Variants in DMD observed in about 807,000 individuals in gnomAD.
DMD encodes mutant dystrophin.
A neutral mutation model predicts 330.1 loss-of-function variants in DMD; 63 were observed. That is an observed-to-expected ratio of 0.19 (90% CI 0.16 to 0.24). The LOEUF (loss-of-function observed/expected upper bound fraction) is 0.24. Ranked by LOEUF, DMD falls within the 10% of genes least tolerant of loss-of-function variation. The pLI, the probability that DMD is intolerant of heterozygous loss-of-function variation, is 1.00. For synonymous variants in DMD, 1,223 were observed against 959.8 expected (o/e 1.27, Z -5.07); for missense variants, 3,344 against 2,684.1 (o/e 1.25, Z -5.43).
chrX:32,972,696 T>G (rs1458630315), intron 2 of DMD, among the ~76,000 whole-genome samples: 1 of 112,069 alleles, frequency 8.9e-6, no homozygotes, highest in Non-Finnish European at 1.9e-5. Context: ...AATCCTGACT[T>G]TAACATTTAT....
intron 1 of DMD, among the ~76,000 whole-genome samples, chrX:33,063,283 A>G (rs1440008853): frequency 1.1e-4 from 12 of 111,695 alleles, no homozygotes; most frequent in Non-Finnish European, 3.8e-5. Flanking sequence ...TTTCAATGAT[A>G]ATTTACATAT....
At chrX:31,392,697 T>C (rs1416958738) in intron 60 of DMD, among the ~76,000 whole-genome samples, 1 of 112,383 alleles carries the variant, frequency 8.9e-6, no homozygotes, top group Non-Finnish European at 1.9e-5. Flanking sequence ...GTAAGATGGC[T>C]GTACGTAATA....
chrX:32,205,934 C>G, intron 44 of DMD: 2 of 382,996 alleles, frequency 5.2e-6, no homozygotes, highest in South Asian at 6.1e-5. Flanking sequence ...GGCCCCAAAA[C>G]TATCTTTTTG....
chrX:31,883,056 T>C (rs755530906), intron 47 of DMD, among the ~76,000 whole-genome samples: 7 of 111,781 alleles, frequency 6.3e-5, no homozygotes, highest in African/African-American at 1.6e-4. Flanking sequence ...AGCCCCATAA[T>C]AGACACAGCC....
At chrX:33,010,655 C>G (rs191850311) in intron 2 of DMD, among the ~76,000 whole-genome samples, 196 of 111,305 alleles carry the variant, frequency 1.8e-3, no homozygotes, top group African/African-American at 5.9e-3. Context: ...GATTTTGAGT[C>G]TTTTAACTCA....
At chrX:32,914,990 T>C (rs1285519862) in intron 2 of DMD, among the ~76,000 whole-genome samples, 1 of 111,577 alleles carries the variant, frequency 9.0e-6, no homozygotes, top group East Asian at 2.8e-4. Flanking sequence ...GTAATTAGTG[T>C]AGACAGAATT....
chrX:32,916,745 T>C (rs779394267), intron 2 of DMD, among the ~76,000 whole-genome samples: 16 of 111,843 alleles, frequency 1.4e-4, no homozygotes, highest in Non-Finnish European at 2.4e-4. Context: ...CTTTGTTTTT[T>C]ACTGTTGTCA....
chrX:31,849,980 T>C (rs2093493818), intron 48 of DMD, among the ~76,000 whole-genome samples: 1 of 111,147 alleles, frequency 9.0e-6, no homozygotes, highest in Admixed American at 9.6e-5. Flanking sequence ...TTGTACAGAT[T>C]ATGTTGTCAC....
chrX:33,266,086 A>G (rs1403814959), intron 1 of DMD, among the ~76,000 whole-genome samples: 1 of 111,660 alleles, frequency 9.0e-6, no homozygotes, highest in African/African-American at 3.2e-5. Flanking sequence ...ATGAAACTCT[A>G]GCTTTCTCTT....
chrX:33,100,179 T>G (rs767757209), intron 1 of DMD, among the ~76,000 whole-genome samples: 1 of 111,364 alleles, frequency 9.0e-6, no homozygotes, highest in Non-Finnish European at 1.9e-5. Flanking sequence ...CAACTCAGTA[T>G]CAGTTCTACA....
chrX:31,509,767 A>G (rs2071306560), intron 55 of DMD, among the ~76,000 whole-genome samples: 1 of 112,412 alleles, frequency 8.9e-6, no homozygotes, highest in East Asian at 2.8e-4. Context: ...CAAATAAATG[A>G]ATATAAAATT....
chrX:32,571,528 G>C (rs149604300), intron 15 of DMD, among the ~76,000 whole-genome samples: 1 of 111,188 alleles, frequency 9.0e-6, no homozygotes, highest in Non-Finnish European at 1.9e-5. Flanking sequence ...AAATCTATTC[G>C]TTTCACTTAA....
At chrX:33,183,177 G>A (rs1425831394) in intron 1 of DMD, among the ~76,000 whole-genome samples, 1 of 111,571 alleles carries the variant, frequency 9.0e-6, no homozygotes, top group Non-Finnish European at 1.9e-5. Context: ...ACTCAAACAG[G>A]AGATTTGTTA....
chrX:32,266,143 G>A (rs753690623), intron 43 of DMD, among the ~76,000 whole-genome samples: 11 of 111,672 alleles, frequency 9.9e-5, no homozygotes, highest in Admixed American at 6.7e-4. Context: ...TTACAGGGGC[G>A]GTTATCCCCA....
At position 32,989,044 on chromosome X, in the gene DMD, G is replaced by T. The variant is rs72626069; in HGVS notation, c.93+31095C>A. On this transcript the variant is annotated intron_variant, in intron 2 of 78. Coordinates refer to ENST00000357033, the MANE Select transcript of DMD (RefSeq NM_004006.3). ...AATAATGAAGGGAAATAAAAGAAAA[G>T]AATAAAGTGGAACAAAATGTGTCAC... Among the ~76,000 whole-genome samples, 6 of 111,195 alleles carry T rather than the reference G, an allele frequency of 5.4e-5. No individual in the cohort carries two copies. The East Asian group carries it at 1.7e-3, about 31-fold the overall frequency.
intron 7 of DMD, among the ~76,000 whole-genome samples, chrX:32,704,191 TA>T (rs1569474163): frequency 6.3e-5 from 7 of 111,859 alleles, no homozygotes; most frequent in Non-Finnish European, 1.3e-4. Flanking sequence ...ATTCAAAGGC[TA>T]GTCAAAATCA....
At chrX:32,978,658 C>T (rs770569504) in intron 2 of DMD, among the ~76,000 whole-genome samples, 98 of 111,480 alleles carry the variant, frequency 8.8e-4, no homozygotes, top group African/African-American at 3.0e-3. Flanking sequence ...TTAGTAGAGA[C>T]GGGTTTCACC....
At chrX:33,002,851 A>G (rs369869223) in intron 2 of DMD, among the ~76,000 whole-genome samples, 137 of 18,066 alleles carry the variant, frequency 7.6e-3, no homozygotes, top group African/African-American at 0.046. Context: ...TTTTTTCTCG[A>G]AAAAAAAAAA....
At chrX:31,766,571 T>G (rs371475360) in intron 51 of DMD, among the ~76,000 whole-genome samples, 28 of 112,140 alleles carry the variant, frequency 2.5e-4, no homozygotes, top group African/African-American at 8.7e-4. Flanking sequence ...AATTCTCTAT[T>G]TAAACACAAT....
Sources: allele counts gnomAD v4.1 joint callset (sites outside exome capture counted in the v4.1 genomes callset), GRCh38; gene constraint gnomAD v4.1.1; transcripts MANE v1.5; gene names NCBI Gene and HGNC (gene_info 2026-07-23, HGNC 2026-07-21).